The following UGT1A8 variants were observed in gnomAD, a reference collection of about 807,000 sequenced individuals.
The protein encoded by UGT1A8 is UDP-glucuronosyltransferase 1A8.
UGT1A8 carries 39 observed loss-of-function variants against 45.3 expected under a neutral mutation model. That is an observed-to-expected ratio of 0.86 (90% CI 0.67 to 1.12). The LOEUF (loss-of-function observed/expected upper bound fraction) is 1.12. UGT1A8 is among the 50% of genes most tolerant of loss of function. The pLI is 0.00. For missense variants in UGT1A8, 719 were observed against 664.9 expected, an observed-to-expected ratio of 1.08 and a Z score of -0.90; for synonymous variants, 275 against 249.2, an observed-to-expected ratio of 1.10 and a Z score of -0.97.
chr2:233,618,195 T>A lies in UGT1A8; in HGVS notation c.488T>A (p.Leu163His), dbSNP rs1452721842. Residue 163 changes from leucine to histidine, a missense_variant, in exon 1 of 5, where the codon CTC (leucine) becomes CAC (histidine). By Grantham distance (99) the Leu-to-His change is moderately conservative. Coordinates refer to ENST00000373450, the MANE Select transcript of UGT1A8 (RefSeq NM_019076.5). Reference protein sequence around the residue: ...CGLIVAKYFSLPSVVFARGIA... With the variant: ...CGLIVAKYFSHPSVVFARGIA... Reference sequence around the variant, plus strand: ...TTAATTGTTGCCAAATATTTCTCCCTCCCCTCTGTGGTCTTCGCCAGGGGA... The same window carrying A: ...TTAATTGTTGCCAAATATTTCTCCCACCCCTCTGTGGTCTTCGCCAGGGGA... 1 of 1,614,052 alleles carries A rather than the reference T, an allele frequency of 6.2e-7. No homozygotes were observed.
chr2:233,622,230 C>G (rs958771825), intron 1 of UGT1A8, among the ~76,000 whole-genome samples: 1 of 152,098 alleles, frequency 6.6e-6, no homozygotes, highest in East Asian at 1.9e-4. Context: ...ATTTATAATT[C>G]TTTGGGTATA....
chr2:233,751,416 G>A (rs1308291640), intron 1 of UGT1A8, among the ~76,000 whole-genome samples: 3 of 152,160 alleles, frequency 2.0e-5, no homozygotes, highest in African/African-American at 4.8e-5. Flanking sequence ...GGACTTTTGA[G>A]CTAGTGCTGA....
chr2:233,719,742 A>T (rs2076802630), intron 1 of UGT1A8: 1 of 1,613,130 alleles, frequency 6.2e-7, no homozygotes, highest in Non-Finnish European at 8.5e-7. Flanking sequence ...CTTTTTAAAA[A>T]ATGTATTTAC....
intron 1 of UGT1A8, among the ~76,000 whole-genome samples, chr2:233,620,660 A>G (rs529669430): frequency 6.6e-6 from 1 of 152,322 alleles, no homozygotes; most frequent in African/African-American, 2.4e-5. Flanking sequence ...GGTTATGTGT[A>G]TTAATGTATA....
intron 1 of UGT1A8, chr2:233,760,208 A>G: frequency 6.3e-7 from 1 of 1,589,248 alleles, no homozygotes; most frequent in Non-Finnish European, 8.5e-7. Flanking sequence ...TCAAACATTA[A>G]CTTGGTGTAT....
chr2:233,716,651 C>T (rs6744284), intron 1 of UGT1A8, among the ~76,000 whole-genome samples: 57,476 of 151,882 alleles, frequency 0.38, 12,088 homozygotes, highest in African/African-American at 0.57. Flanking sequence ...ACTTTTTGTA[C>T]CCTAAGGAAG....
intron 1 of UGT1A8, among the ~76,000 whole-genome samples, chr2:233,661,623 T>TTTTCTTTCTTTCTTTTCTTTC (rs1265546183): frequency 0.054 from 6,712 of 123,960 alleles, 389 homozygotes; most frequent in South Asian, 0.093. Context: ...ACTTACTGAA[T>TTTTCTTTCTTTCTTTTCTTTC]TTTCTTTCTT....
chr2:233,617,843 G>C lies in UGT1A8; in HGVS notation c.136G>C (p.Glu46Gln), dbSNP rs2072929520. ...CTGGTTCACCATGCAGTCGGTGGTG[G>C]AGAAACTTATCCTCAGGGGGCATGA... ...SHWFTMQSVV[E>Q]KLILRGHEVV... Residue 46 changes from glutamate (E) to glutamine (Q), a missense_variant, in exon 1 of 5, where the codon GAG becomes CAG. Transcript: ENST00000373450. The C allele has an allele frequency of 6.2e-7, 1 of 1,614,086 alleles. No homozygotes were observed. Among genetic ancestry groups the C allele is most frequent in the African/African-American group, 1.3e-5 (1 of 75,032 alleles).
At chr2:233,618,886 C>A (rs1320467578) in intron 1 of UGT1A8, among the ~76,000 whole-genome samples, 1 of 151,930 alleles carries the variant, frequency 6.6e-6, no homozygotes, top group East Asian at 1.9e-4. Context: ...CCCCCTAGAG[C>A]AAATGCTCTT....
intron 1 of UGT1A8, among the ~76,000 whole-genome samples, chr2:233,715,215 C>T (rs930833996): frequency 2.6e-5 from 4 of 152,140 alleles, no homozygotes; most frequent in Non-Finnish European, 5.9e-5. Context: ...AGACCCTCTA[C>T]TGAATCTGCC....
At chr2:233,771,398 A>G (rs1700304180) in intron 4 of UGT1A8, 1 of 152,164 alleles carries the variant, frequency 6.6e-6, no homozygotes, top group Non-Finnish European at 1.5e-5. Context: ...TGATTGGGCA[A>G]TGAACACTGT....
chr2:233,648,802 A>C, intron 1 of UGT1A8: 1 of 948,774 alleles, frequency 1.1e-6, no homozygotes, highest in Non-Finnish European at 1.6e-6. Context: ...AAGGAACCAC[A>C]TCTTCTACTT....
intron 1 of UGT1A8, chr2:233,756,414 T>G (rs1696206608): frequency 6.6e-6 from 1 of 152,212 alleles, no homozygotes; most frequent in African/African-American, 2.4e-5. Flanking sequence ...ATTTGTATTA[T>G]TTGTACTGTT....
chr2:233,695,360 G>A (rs1162074854), intron 1 of UGT1A8, among the ~76,000 whole-genome samples: 1 of 151,726 alleles, frequency 6.6e-6, no homozygotes, highest in African/African-American at 2.4e-5. Flanking sequence ...TCTTGACCTC[G>A]TGGTCCGCCC....
intron 1 of UGT1A8, among the ~76,000 whole-genome samples, chr2:233,633,574 T>G (rs1286929356): frequency 6.6e-6 from 1 of 152,226 alleles, no homozygotes; most frequent in Non-Finnish European, 1.5e-5. Flanking sequence ...CCATTTCTCC[T>G]AGAATGTCTA....
chr2:233,662,077 G>C (rs1275698284), intron 1 of UGT1A8, among the ~76,000 whole-genome samples: 1 of 152,102 alleles, frequency 6.6e-6, no homozygotes, highest in African/African-American at 2.4e-5. Flanking sequence ...TAGTACAGTA[G>C]GCACAGTTAA....
chr2:233,694,469 T>A (rs138787625), intron 1 of UGT1A8, among the ~76,000 whole-genome samples: 8 of 152,338 alleles, frequency 5.3e-5, no homozygotes, highest in African/African-American at 1.9e-4. Context: ...AAAAGGGGTA[T>A]GGCCTCTGAC....
At chr2:233,620,645 CAGA>C (rs1198030168) in intron 1 of UGT1A8, among the ~76,000 whole-genome samples, 1 of 151,998 alleles carries the variant, frequency 6.6e-6, no homozygotes, top group Non-Finnish European at 1.5e-5. Flanking sequence ...TTTATACTTG[CAGA>C]AGGTTATGTG....
At chr2:233,628,367 T>G (rs2073130386) in intron 1 of UGT1A8, among the ~76,000 whole-genome samples, 1 of 152,068 alleles carries the variant, frequency 6.6e-6, no homozygotes, top group South Asian at 2.1e-4. Context: ...TGCAATATAT[T>G]TATTTTTAAA....
Sources: allele counts gnomAD v4.1 joint callset (sites outside exome capture counted in the v4.1 genomes callset), GRCh38; gene constraint gnomAD v4.1.1; transcripts MANE v1.5; gene names NCBI Gene and HGNC (gene_info 2026-07-23, HGNC 2026-07-21).